Variants in SLIT3 observed in about 807,000 individuals in gnomAD.
SLIT3 encodes the protein slit guidance ligand 3.
SLIT3 carries 68 observed loss-of-function variants against 184.0 expected under a neutral mutation model. The ratio of observed to expected loss-of-function variants is 0.37; its 90% confidence interval spans 0.30 to 0.45. The LOEUF (loss-of-function observed/expected upper bound fraction) is 0.45, where lower values mean the gene tolerates loss of function less well. SLIT3 is among the 20% of genes least tolerant of loss of function. The probability of loss-of-function intolerance (pLI) is 1.00; values close to 1 mark genes in which losing one functional copy is unlikely to be tolerated. For synonymous variants in SLIT3, 831 were observed against 828.6 expected, an observed-to-expected ratio of 1.00 and a Z score of -0.05; for missense variants, 1,707 against 2,026.0, an observed-to-expected ratio of 0.84 and a Z score of 3.02.
intron 4 of SLIT3, among the ~76,000 whole-genome samples, chr5:168,892,096 A>G (rs1760484885): frequency 6.6e-6 from 1 of 152,228 alleles, no homozygotes; most frequent in Non-Finnish European, 1.5e-5. Flanking sequence ...CCACGGAAAT[A>G]TATCACAAGC....
intron 5 of SLIT3, among the ~76,000 whole-genome samples, chr5:168,880,775 C>T (rs1390929368): frequency 4.6e-5 from 7 of 152,138 alleles, no homozygotes; most frequent in Non-Finnish European, 7.3e-5. Context: ...TCTATCAGAC[C>T]GCCAAAACCA....
At chr5:169,130,722 A>G (rs766369244) in intron 4 of SLIT3, among the ~76,000 whole-genome samples, 1 of 152,198 alleles carries the variant, frequency 6.6e-6, no homozygotes, top group East Asian at 1.9e-4. Context: ...TCGAAGCCTC[A>G]TTAATCTGCT....
At chr5:168,929,118 C>G (rs1479634349) in intron 4 of SLIT3, among the ~76,000 whole-genome samples, 7 of 152,152 alleles carry the variant, frequency 4.6e-5, no homozygotes, top group Admixed American at 4.6e-4. Context: ...TAATTGTGTC[C>G]ATTTCACAGA....
In SLIT3 at chr5:168,676,770, G is replaced by A. The variant is rs894368200; in HGVS notation, c.3687-3439C>T. 2.0e-5 allele frequency among the ~76,000 whole-genome samples: 3 copies of A among 152,254 alleles called. No individual in the cohort carries two copies. In the South Asian group the frequency reaches 6.2e-4, roughly 31 times the overall value. ...TCAGAAAGGGAGTTGTCAAGAGACT[G>A]CAGCTCAGGCACTCGCTTCCAACAT... On this transcript the variant is annotated intron_variant, in intron 32 of 35. Transcript: ENST00000519560.
At chr5:169,168,859 G>C (rs900995066) in intron 4 of SLIT3, among the ~76,000 whole-genome samples, 3 of 114,754 alleles carry the variant, frequency 2.6e-5, no homozygotes, top group Non-Finnish European at 3.6e-5. Context: ...AAATTATGGA[G>C]AAGTTCCTTG....
intron 4 of SLIT3, chr5:169,037,696 G>C (rs956721532): frequency 2.4e-4 from 36 of 152,378 alleles, no homozygotes; most frequent in Middle Eastern, 3.4e-3. Context: ...CGCTCACCGG[G>C]AGATTAACCC....
At chr5:169,212,911 C>T (rs1764313813) in intron 3 of SLIT3, among the ~76,000 whole-genome samples, 1 of 152,168 alleles carries the variant, frequency 6.6e-6, no homozygotes, top group Non-Finnish European at 1.5e-5. Flanking sequence ...ATCATTTCCC[C>T]ATTGCTTGTC....
At chr5:168,688,798 T>G (rs901644321) in intron 29 of SLIT3, among the ~76,000 whole-genome samples, 3 of 152,224 alleles carry the variant, frequency 2.0e-5, no homozygotes, top group Non-Finnish European at 4.4e-5. Context: ...TCTGCTACTG[T>G]GTTAAACTTG....
intron 7 of SLIT3, among the ~76,000 whole-genome samples, chr5:168,819,345 G>A (rs1362931055): frequency 6.6e-6 from 1 of 152,210 alleles, no homozygotes; most frequent in African/African-American, 2.4e-5. Flanking sequence ...CTTTTCGCCG[G>A]GTATAAATGT....
intron 4 of SLIT3, among the ~76,000 whole-genome samples, chr5:169,151,039 A>C (rs1581462604): frequency 6.6e-6 from 1 of 152,182 alleles, no homozygotes; most frequent in Non-Finnish European, 1.5e-5. Flanking sequence ...TAGTGAGGAA[A>C]AAAAAACTCT....
chr5:168,670,012 G>A lies in SLIT3; in HGVS notation c.4128-21C>T, dbSNP rs1454630985. 3 of 1,608,524 alleles carry A rather than the reference G, an allele frequency of 1.9e-6. No homozygotes were observed. The African/African-American group carries it at 4.0e-5, about 22-fold the overall frequency. On this transcript the variant is annotated intron_variant, in intron 34 of 35. Transcript: ENST00000519560. ...GGCATCTAGGGGCAGAGAGGAGGAT[G>A]AGAAGGGAACTGGATCAGAGTTGGT...
At chr5:169,134,249 C>T (rs1487042604) in intron 4 of SLIT3, among the ~76,000 whole-genome samples, 11 of 152,220 alleles carry the variant, frequency 7.2e-5, no homozygotes, top group Admixed American at 7.2e-4. Context: ...TGGCTACTCA[C>T]TGAGCTTAGA....
intron 8 of SLIT3, among the ~76,000 whole-genome samples, chr5:168,807,026 G>C (rs1480424479): frequency 6.6e-6 from 1 of 152,222 alleles, no homozygotes; most frequent in Non-Finnish European, 1.5e-5. Context: ...TCAAAACCAA[G>C]TGGCAGAATG....
intron 4 of SLIT3, among the ~76,000 whole-genome samples, chr5:168,929,031 T>C (rs972748613): frequency 1.2e-4 from 18 of 152,358 alleles, no homozygotes; most frequent in Admixed American, 6.5e-4. Flanking sequence ...TAATAGCCAG[T>C]ACTTGGTGGA....
At chr5:169,042,480 A>G (rs1352710343) in intron 4 of SLIT3, among the ~76,000 whole-genome samples, 1 of 152,158 alleles carries the variant, frequency 6.6e-6, no homozygotes, top group Non-Finnish European at 1.5e-5. Flanking sequence ...TTTCTATCAA[A>G]TCCGGTGCCC....
chr5:169,250,157 C>A (rs1765723976), intron 2 of SLIT3, among the ~76,000 whole-genome samples: 1 of 152,218 alleles, frequency 6.6e-6, no homozygotes, highest in Non-Finnish European at 1.5e-5. Flanking sequence ...CTTAACCTAT[C>A]CGCACCTCTG....
chr5:169,228,178 T>G (rs1254041141), intron 3 of SLIT3, among the ~76,000 whole-genome samples: 1 of 152,180 alleles, frequency 6.6e-6, no homozygotes, highest in Admixed American at 6.5e-5. Flanking sequence ...TCACATATAT[T>G]TAATTGCATT....
At chr5:168,760,773 G>T in intron 16 of SLIT3, 89 bp downstream of exon 16, 1 of 937,386 alleles carries the variant, frequency 1.1e-6, no homozygotes, top group Non-Finnish European at 1.7e-6. Context: ...GAGGCTGGGG[G>T]AGAGGCCGGT....
intron 1 of SLIT3, among the ~76,000 whole-genome samples, chr5:169,252,394 G>C (rs1765807784): frequency 6.6e-6 from 1 of 152,210 alleles, no homozygotes; most frequent in Non-Finnish European, 1.5e-5. Flanking sequence ...GAGCTGAAGT[G>C]GTGGCGGTGA....
Sources: gnomAD v4.1 joint callset for allele counts (sites outside exome capture counted in the v4.1 genomes callset) on GRCh38, gnomAD v4.1.1 for gene constraint, MANE v1.5 for transcripts, NCBI Gene and HGNC (gene_info 2026-07-23, HGNC 2026-07-21) for gene names.